ITSN1: variants seen among roughly 807,000 people sequenced by gnomAD.
ITSN1 encodes the protein intersectin-1.
ITSN1 carries 58 observed loss-of-function variants against 239.8 expected under a neutral mutation model. The observed-to-expected ratio is 0.24, with a 90% confidence interval of 0.20 to 0.30. The LOEUF (loss-of-function observed/expected upper bound fraction) is 0.30. ITSN1 is among the 10% of genes least tolerant of loss of function. The pLI is 1.00. For synonymous variants in ITSN1, 780 were observed against 770.8 expected, an observed-to-expected ratio of 1.01 and a Z score of -0.20; for missense variants, 1,558 against 2,103.3, an observed-to-expected ratio of 0.74 and a Z score of 5.07.
At chr21:33,770,825 G>A (rs745614038) in intron 11 of ITSN1, among the ~76,000 whole-genome samples, 6 of 149,140 alleles carry the variant, frequency 4.0e-5, no homozygotes, top group South Asian at 4.2e-4. Flanking sequence ...GTGCAGTGGC[G>A]CAATCTTGTC....
intron 19 of ITSN1, among the ~76,000 whole-genome samples, 161 bp from the exon 20 acceptor site, chr21:33,802,269 G>C (rs1731739177): frequency 6.6e-6 from 1 of 152,184 alleles, no homozygotes; most frequent in South Asian, 2.1e-4. Context: ...ACATATCTGG[G>C]CTTCACTTGT....
rs2148582300 is a variant in ITSN1 at position 33,890,925 on chromosome 21, C to G, written c.*2625C>G. 1 of 152,628 alleles carries G rather than the reference C, an allele frequency of 6.6e-6. No homozygotes were observed. The highest frequency in any genetic ancestry group is 1.9e-4 in the East Asian group (1 of 5,194). The allele number at this position is 152,628 out of a possible 1,614,324, so 9.5% of individuals were successfully genotyped here. On this transcript the variant is annotated 3_prime_UTR_variant, in exon 40 of 40. Transcript: ENST00000381318. ...GCTAGCTTCTCCTGCACACTCTGAT[C>G]TCCTTTAGCCCAAGAAGGGGCTGTG...
intron 29 of ITSN1, among the ~76,000 whole-genome samples, chr21:33,847,825 C>T (rs976320270): frequency 4.6e-5 from 7 of 152,172 alleles, no homozygotes; most frequent in South Asian, 2.1e-4. Flanking sequence ...CCGCTTTTCG[C>T]GCCAGGTGTC....
intron 27 of ITSN1, among the ~76,000 whole-genome samples, chr21:33,830,787 A>G (rs1207297858): frequency 6.6e-6 from 1 of 152,096 alleles, no homozygotes; most frequent in African/African-American, 2.4e-5. Context: ...GTGGTTATAT[A>G]AGAGAATATT....
chr21:33,685,101 A>G lies in ITSN1; in HGVS notation c.-32-33696A>G, dbSNP rs576008369. Among the ~76,000 whole-genome samples, 8 of 152,286 alleles carry G rather than the reference A, an allele frequency of 5.3e-5. No homozygotes were observed. The East Asian group carries it at 7.7e-4, about 15-fold the overall frequency. On this transcript the variant is annotated intron_variant, in intron 1 of 39. Coordinates refer to ENST00000381318, the MANE Select transcript of ITSN1 (RefSeq NM_003024.3). ...TATTTTGAAGCAAATTCTAGACATC[A>G]CTTCCTTTTATTAAAGCAAGTTGCG... is the stretch of plus-strand genomic sequence containing the variant.
intron 4 of ITSN1, among the ~76,000 whole-genome samples, chr21:33,733,476 G>T (rs956129116): frequency 2.2e-4 from 34 of 152,060 alleles, no homozygotes; most frequent in African/African-American, 7.7e-4. Flanking sequence ...TATGATAAAA[G>T]AAATATTTTA....
At position 33,807,836 on chromosome 21, in the gene ITSN1, G is replaced by A. The variant is rs185166382; in HGVS notation, c.2320-3139G>A. Among the ~76,000 whole-genome samples, 71 of 152,314 alleles carry A rather than the reference G, an allele frequency of 4.7e-4. 1 individual carries two copies. The East Asian group carries it at 0.012, about 26-fold the overall frequency. ...GGGAGCAGAGGACCAGGCAGTTAGAGCAGGGAACTCCTGAACAGAGAAGCA... is the reference window on the plus strand; with the variant it reads ...GGGAGCAGAGGACCAGGCAGTTAGAACAGGGAACTCCTGAACAGAGAAGCA... On this transcript the variant is annotated intron_variant, in intron 20 of 39. Transcript: ENST00000381318.
chr21:33,818,525 A>G (rs2073435636), intron 23 of ITSN1, 53 bp downstream of exon 23: 20 of 1,448,336 alleles, frequency 1.4e-5, no homozygotes, highest in Non-Finnish European at 1.9e-5. Flanking sequence ...TAGGCGTTAT[A>G]TTACTGTTTG....
chr21:33,854,404 A>G (rs1289845846), intron 29 of ITSN1, among the ~76,000 whole-genome samples: 1 of 152,224 alleles, frequency 6.6e-6, no homozygotes, highest in Non-Finnish European at 1.5e-5. Flanking sequence ...AGGGCATCCA[A>G]GTTGCCTAAT....
At chr21:33,766,103 A>G in intron 10 of ITSN1, 91 bp downstream of exon 10, 1 of 1,356,456 alleles carries the variant, frequency 7.4e-7, no homozygotes, top group South Asian at 1.2e-5. Context: ...CCTGATTTTC[A>G]TCCCTGACAA....
chr21:33,700,710 C>T (rs1284469141), intron 1 of ITSN1, among the ~76,000 whole-genome samples: 1 of 152,220 alleles, frequency 6.6e-6, no homozygotes, highest in East Asian at 1.9e-4. Flanking sequence ...CCTCCACTCT[C>T]CCCTTCTGTA....
chr21:33,857,685 TA>T (rs1355024554), intron 30 of ITSN1, among the ~76,000 whole-genome samples: 2 of 152,182 alleles, frequency 1.3e-5, no homozygotes, highest in Non-Finnish European at 2.9e-5. Context: ...CCACCATTAA[TA>T]CTTAGGAAGC....
intron 27 of ITSN1, among the ~76,000 whole-genome samples, chr21:33,833,944 AAACCCATATACAG>A (rs2074452417): frequency 6.6e-6 from 1 of 151,470 alleles, no homozygotes; most frequent in African/African-American, 2.4e-5. Context: ...ATTATTCCTA[AAACCCATATACAG>A]TGTTGGCATT....
chr21:33,741,472 T>C (rs371553885), intron 5 of ITSN1, among the ~76,000 whole-genome samples: 2 of 152,184 alleles, frequency 1.3e-5, no homozygotes, highest in African/African-American at 4.8e-5. Flanking sequence ...ATGTGCTTGA[T>C]AGTGTGCACG....
Position 33,822,457 on chromosome 21 carries a change from T to C in ITSN1, c.3017-1030T>C, listed in dbSNP as rs535134239. Reference sequence around the variant, plus strand: ...CTTTAAAAAAATACATACAAAAGCCTAGGATAAAATGGAGAAAAAGGGGAA... The same window carrying C: ...CTTTAAAAAAATACATACAAAAGCCCAGGATAAAATGGAGAAAAAGGGGAA... On this transcript the variant is annotated intron_variant, in intron 24 of 39. Transcript: ENST00000381318. Among the ~76,000 whole-genome samples the C allele has an allele frequency of 2.0e-5, 3 of 152,302 alleles. No individual in the cohort carries two copies. In the South Asian group the frequency reaches 6.2e-4, roughly 32 times the overall value.
intron 1 of ITSN1, among the ~76,000 whole-genome samples, chr21:33,684,577 C>T (rs1478050869): frequency 1.3e-5 from 2 of 151,876 alleles, no homozygotes; most frequent in African/African-American, 4.8e-5. Flanking sequence ...AACAGTTTTC[C>T]TAGGGTACTT....
intron 29 of ITSN1, among the ~76,000 whole-genome samples, chr21:33,848,779 G>A (rs1012505346): frequency 9.2e-5 from 14 of 152,106 alleles, no homozygotes; most frequent in Admixed American, 2.6e-4. Flanking sequence ...CCACGCCCCC[G>A]ACTCCAATTT....
chr21:33,877,374 T>C (rs142211161), intron 34 of ITSN1, among the ~76,000 whole-genome samples: 14 of 152,218 alleles, frequency 9.2e-5, no homozygotes, highest in Non-Finnish European at 1.9e-4. Flanking sequence ...ATCTTTATTG[T>C]CTGAAGTTGT....
At chr21:33,814,705 T>C (rs2073146673) in intron 22 of ITSN1, among the ~76,000 whole-genome samples, 1 of 152,202 alleles carries the variant, frequency 6.6e-6, no homozygotes, top group Admixed American at 6.5e-5. Context: ...AACACCCAGA[T>C]GGAACACAGG....
Sources: allele counts gnomAD v4.1 joint callset (sites outside exome capture counted in the v4.1 genomes callset), GRCh38; gene constraint gnomAD v4.1.1; transcripts MANE v1.5; gene names NCBI Gene and HGNC (gene_info 2026-07-23, HGNC 2026-07-21).